PRKN: variants seen among roughly 807,000 people sequenced by gnomAD.
The protein encoded by PRKN is parkin RBR E3 ubiquitin protein ligase.
In PRKN, 56 loss-of-function variants were observed where a neutral mutation model predicts 59.5. That is an observed-to-expected ratio of 0.94 (90% CI 0.76 to 1.18). The LOEUF (loss-of-function observed/expected upper bound fraction) is 1.18. PRKN is among the 50% of genes most tolerant of loss of function. The pLI is 0.00. For synonymous variants in PRKN, 250 were observed against 222.1 expected (o/e 1.13, Z -1.12); for missense variants, 657 against 596.4 (o/e 1.10, Z -1.06).
At chr6:162,045,702 C>G (rs1166112036) in intron 5 of PRKN, among the ~76,000 whole-genome samples, 3 of 152,208 alleles carry the variant, frequency 2.0e-5, no homozygotes, top group Admixed American at 6.5e-5. Context: ...TGACCGCCAT[C>G]AAGGCATGAT....
At chr6:161,925,222 A>C (rs1239850762) in intron 6 of PRKN, among the ~76,000 whole-genome samples, 1 of 152,222 alleles carries the variant, frequency 6.6e-6, no homozygotes, top group Non-Finnish European at 1.5e-5. Context: ...ATATAAAATT[A>C]CACTTTTTCA....
At position 162,262,752 on chromosome 6, in the gene PRKN, T is replaced by G. The variant is rs1779948064; in HGVS notation, c.185A>C (p.Asp62Ala). Residue 62 changes from aspartate (D) to alanine (A), a missense_variant, in exon 3 of 12, where the codon GAT becomes GCT. Coordinates refer to ENST00000366898, the MANE Select transcript of PRKN (RefSeq NM_004562.3). ...NDWTVQNCDL[D>A]QQSIVHIVQR... ...CACAATGTGAACAATGCTCTGCTGA[T>G]CCAGGTCACAATTCTGTTTGGGAGC... is the stretch of plus-strand genomic sequence containing the variant. The G allele has an allele frequency of 1.3e-6, 2 of 1,593,772 alleles. No homozygotes were observed. The highest frequency in any genetic ancestry group is 1.7e-6 in the Non-Finnish European group (2 of 1,175,242).
chr6:161,739,934 T>C lies in PRKN; in HGVS notation c.871+45838A>G, dbSNP rs1050120494. Among the ~76,000 whole-genome samples, 4 of 152,126 alleles carry C rather than the reference T, an allele frequency of 2.6e-5. No individual in the cohort carries two copies. In the South Asian group the frequency reaches 6.2e-4, roughly 24 times the overall value. On this transcript the variant is annotated intron_variant, in intron 7 of 11. Coordinates refer to ENST00000366898, the MANE Select transcript of PRKN (RefSeq NM_004562.3). ...CACGCCCAGCTAGTTTTTGTATTTT[T>C]AGTAAAGACAGGGTTTCTCCATGTT...
intron 6 of PRKN, among the ~76,000 whole-genome samples, chr6:161,898,894 G>A (rs1227433626): frequency 1.3e-5 from 2 of 152,158 alleles, no homozygotes; most frequent in African/African-American, 4.8e-5. Flanking sequence ...AAAGTGATGG[G>A]GAATAATGTC....
intron 1 of PRKN, among the ~76,000 whole-genome samples, chr6:162,726,690 A>G (rs894663692): frequency 5.9e-5 from 9 of 152,206 alleles, no homozygotes; most frequent in African/African-American, 1.9e-4. Context: ...TGGACAGACC[A>G]CATCTGACTT....
intron 4 of PRKN, among the ~76,000 whole-genome samples, chr6:162,156,301 A>G (rs567648049): frequency 1.3e-5 from 2 of 152,302 alleles, no homozygotes; most frequent in South Asian, 4.1e-4. Flanking sequence ...GGATTGATGT[A>G]TATATGAAGG....
intron 2 of PRKN, among the ~76,000 whole-genome samples, chr6:162,376,777 G>A (rs1472306063): frequency 1.0e-5 from 1 of 97,684 alleles, no homozygotes; most frequent in African/African-American, 4.0e-5. Context: ...AAGGGAGGGG[G>A]AGGGGGAGGG....
At chr6:161,534,480 G>C (rs764952933) in intron 9 of PRKN, among the ~76,000 whole-genome samples, 2 of 152,180 alleles carry the variant, frequency 1.3e-5, no homozygotes, top group African/African-American at 4.8e-5. Context: ...GCAGCTCCAC[G>C]TGTGGGCAAG....
At chr6:161,972,432 G>A (rs1780853207) in intron 6 of PRKN, among the ~76,000 whole-genome samples, 1 of 152,052 alleles carries the variant, frequency 6.6e-6, no homozygotes, top group African/African-American at 2.4e-5. Context: ...ACTCTGAATT[G>A]CCTACTCTGC....
chr6:162,393,981 T>C (rs1317162414), intron 2 of PRKN, among the ~76,000 whole-genome samples: 1 of 152,214 alleles, frequency 6.6e-6, no homozygotes, highest in African/African-American at 2.4e-5. Flanking sequence ...CAAAGTTTAT[T>C]TGGAAACCTT....
At chr6:161,905,030 C>A (rs1050859870) in intron 6 of PRKN, among the ~76,000 whole-genome samples, 1 of 152,102 alleles carries the variant, frequency 6.6e-6, no homozygotes, top group Non-Finnish European at 1.5e-5. Flanking sequence ...TCTCCATCTG[C>A]GAAGTTTGGT....
intron 2 of PRKN, among the ~76,000 whole-genome samples, chr6:162,379,337 C>T (rs1786302864): frequency 6.6e-6 from 1 of 152,062 alleles, no homozygotes; most frequent in Non-Finnish European, 1.5e-5. Context: ...AATTCATTGT[C>T]CTTCTGAAAG....
chr6:162,686,948 G>GTGA (rs1286456515), intron 1 of PRKN, among the ~76,000 whole-genome samples: 3 of 152,266 alleles, frequency 2.0e-5, no homozygotes, highest in African/African-American at 7.2e-5. Context: ...GTCAGGAAAT[G>GTGA]TGATGCCTGC....
intron 6 of PRKN, among the ~76,000 whole-genome samples, chr6:161,881,589 A>G (rs1465505630): frequency 6.6e-6 from 1 of 152,048 alleles, no homozygotes. Flanking sequence ...TACAATCCCC[A>G]TGGGTCTGAT....
At chr6:162,339,108 C>T (rs1221061124) in intron 2 of PRKN, among the ~76,000 whole-genome samples, 5 of 149,830 alleles carry the variant, frequency 3.3e-5, no homozygotes, top group South Asian at 4.2e-4. Flanking sequence ...GCCGCCCCGT[C>T]TGAGAAGTGA....
chr6:162,568,763 G>A (rs1029846795), intron 1 of PRKN: 12 of 742,696 alleles, frequency 1.6e-5, no homozygotes, highest in East Asian at 1.5e-4. Flanking sequence ...GGGGGCAGCC[G>A]GACACTCTGG....
At chr6:161,789,850 G>A (rs1583167927) in intron 6 of PRKN, among the ~76,000 whole-genome samples, 1 of 152,124 alleles carries the variant, frequency 6.6e-6, no homozygotes, top group East Asian at 1.9e-4. Context: ...ATAAATGAAT[G>A]GGTCACTATT....
chr6:161,944,066 AG>A (rs1490680382), intron 6 of PRKN, among the ~76,000 whole-genome samples: 51 of 143,436 alleles, frequency 3.6e-4, no homozygotes, highest in African/African-American at 1.2e-3. Flanking sequence ...GATCAGCCTG[AG>A]GGATCAGCCT....
rs560761939 is a variant in PRKN at position 162,191,191 on chromosome 6, G to A, written c.534+9940C>T. Among the ~76,000 whole-genome samples, 12 of 152,194 alleles carry A rather than the reference G, an allele frequency of 7.9e-5. No individual in the cohort carries two copies. In the South Asian group the frequency reaches 2.3e-3, roughly 29 times the overall value. On this transcript the variant is annotated intron_variant, in intron 4 of 11. Transcript: ENST00000366898. ...AGTCGCTGATCATTGCCAACCCAAC[G>A]TGCTTCTCACCCTCTGTCCTTGCTC...
Sources: allele counts gnomAD v4.1 joint callset (sites outside exome capture counted in the v4.1 genomes callset), GRCh38; gene constraint gnomAD v4.1.1; transcripts MANE v1.5; gene names NCBI Gene and HGNC (gene_info 2026-07-23, HGNC 2026-07-21).